The following RNF180 variants were observed in gnomAD, a reference collection of about 807,000 sequenced individuals.
RNF180 encodes ring finger protein 180, also known as E3 ubiquitin-protein ligase RNF180.
In RNF180, 38 loss-of-function variants were observed where a neutral mutation model predicts 59.2. That is an observed-to-expected ratio of 0.64 (90% confidence interval 0.50 to 0.84). The LOEUF is 0.84. RNF180 is among the 40% of genes least tolerant of loss of function. The pLI, the probability that RNF180 is intolerant of heterozygous loss-of-function variation, is 0.00. For missense variants in RNF180, 705 were observed against 700.9 expected (o/e 1.01, Z -0.07); for synonymous variants, 262 against 240.3 (o/e 1.09, Z -0.84).
chr5:64,223,719 CAT>C (rs1741489984), intron 5 of RNF180, among the ~76,000 whole-genome samples: 1 of 151,974 alleles, frequency 6.6e-6, no homozygotes, highest in South Asian at 2.1e-4. Flanking sequence ...ATTTTACTAT[CAT>C]ATATCTTTAT....
At chr5:64,365,906 G>T (rs1746430576) in intron 7 of RNF180, among the ~76,000 whole-genome samples, 1 of 151,488 alleles carries the variant, frequency 6.6e-6, no homozygotes, top group Non-Finnish European at 1.5e-5. Context: ...GCATACCATT[G>T]GATCTTGGTT....
intron 1 of RNF180, among the ~76,000 whole-genome samples, chr5:64,193,613 T>C (rs1751296006): frequency 6.6e-6 from 1 of 152,210 alleles, no homozygotes. Context: ...TCTTTAGCAT[T>C]TAACCAGTTC....
intron 1 of RNF180, among the ~76,000 whole-genome samples, chr5:64,196,644 T>C (rs1467993692): frequency 2.0e-5 from 3 of 152,166 alleles, no homozygotes; most frequent in Non-Finnish European, 4.4e-5. Flanking sequence ...TTCTGTTGGC[T>C]AATATTTTAT....
chr5:64,255,372 C>A (rs932959883), intron 5 of RNF180, among the ~76,000 whole-genome samples: 5 of 152,114 alleles, frequency 3.3e-5, no homozygotes, highest in Non-Finnish European at 7.3e-5. Flanking sequence ...ACAACAGGCC[C>A]TGGTGTGTGA....
intron 5 of RNF180, among the ~76,000 whole-genome samples, chr5:64,318,130 CTA>C (rs1420917923): frequency 2.6e-5 from 4 of 152,052 alleles, no homozygotes; most frequent in South Asian, 2.1e-4. Flanking sequence ...TGTATGTGTA[CTA>C]TATGTTTTTT....
At chr5:64,295,091 T>C (rs1470011127) in intron 5 of RNF180, among the ~76,000 whole-genome samples, 2 of 152,196 alleles carry the variant, frequency 1.3e-5, no homozygotes, top group African/African-American at 4.8e-5. Flanking sequence ...TCCATGATGT[T>C]GAGTATATAA....
intron 5 of RNF180, among the ~76,000 whole-genome samples, chr5:64,231,792 T>A (rs1406406922): frequency 1.3e-5 from 2 of 152,188 alleles, no homozygotes; most frequent in Non-Finnish European, 2.9e-5. Flanking sequence ...AATGCGTTTA[T>A]TATTGGGGTT....
intron 5 of RNF180, among the ~76,000 whole-genome samples, chr5:64,247,325 C>G (rs971308284): frequency 6.6e-6 from 1 of 152,166 alleles, no homozygotes; most frequent in Non-Finnish European, 1.5e-5. Context: ...GTCAAATTGT[C>G]TCTGTTTGCA....
At chr5:64,342,968 T>A (rs1190807846) in intron 7 of RNF180, among the ~76,000 whole-genome samples, 2 of 152,146 alleles carry the variant, frequency 1.3e-5, no homozygotes, top group Non-Finnish European at 2.9e-5. Flanking sequence ...CCAACCCTGC[T>A]TATTAATTGT....
At chr5:64,217,471 C>T in intron 5 of RNF180, 75 bp downstream of exon 5, 1 of 1,319,102 alleles carries the variant, frequency 7.6e-7, no homozygotes, top group Non-Finnish European at 9.7e-7. Context: ...GCATTCCAAG[C>T]AGCAAAGACT....
At chr5:64,341,554 C>A in intron 7 of RNF180, among the ~76,000 whole-genome samples, 1 of 152,246 alleles carries the variant, frequency 6.6e-6, no homozygotes, top group South Asian at 2.1e-4. Flanking sequence ...GTGAATCATT[C>A]TGGGAAACTG....
chr5:64,194,121 A>C (rs577755195), intron 1 of RNF180, among the ~76,000 whole-genome samples: 1 of 152,276 alleles, frequency 6.6e-6, no homozygotes, highest in Non-Finnish European at 1.5e-5. Context: ...GTCATTTAAC[A>C]TTAGGTATAT....
intron 7 of RNF180, among the ~76,000 whole-genome samples, chr5:64,353,902 G>A (rs1487376913): frequency 1.3e-5 from 2 of 151,506 alleles, no homozygotes; most frequent in African/African-American, 2.4e-5. Context: ...AAGCACGAGG[G>A]AAATTAGAAA....
chr5:64,191,122 A>T (rs934811513), intron 1 of RNF180, among the ~76,000 whole-genome samples: 4 of 152,188 alleles, frequency 2.6e-5, no homozygotes, highest in Non-Finnish European at 1.5e-5. Context: ...ATAGTTTTTT[A>T]AATTTGTAGA....
At chr5:64,214,566 G>A (rs746439512) in intron 4 of RNF180, 49 bp downstream of exon 4, 9 of 1,498,732 alleles carry the variant, frequency 6.0e-6, no homozygotes, top group Non-Finnish European at 8.1e-6. Context: ...ATAAATACTG[G>A]AGTTTGGGGA....
intron 7 of RNF180, among the ~76,000 whole-genome samples, chr5:64,366,134 T>C (rs1344388550): frequency 6.6e-6 from 1 of 151,628 alleles, no homozygotes; most frequent in African/African-American, 2.4e-5. Context: ...TTAATGCATC[T>C]TTCAGGAGAT....
chr5:64,181,666 G>C (rs1750590881), intron 1 of RNF180, among the ~76,000 whole-genome samples: 1 of 152,148 alleles, frequency 6.6e-6, no homozygotes, highest in Non-Finnish European at 1.5e-5. Flanking sequence ...CCCTCAGCTT[G>C]TCTGTTTGAC....
chr5:64,269,990 T>C lies in RNF180; in HGVS notation c.1227+52594T>C, dbSNP rs568883168. On this transcript the variant is annotated intron_variant, in intron 5 of 7. Transcript: ENST00000389100. ...TCCATAATGCCATTCTGATATAAGT[T>C]ACCTATTCTGTCTCTTCCTCCTTCC... is the stretch of plus-strand genomic sequence containing the variant. Among the ~76,000 whole-genome samples the C allele has an allele frequency of 8.6e-5, 13 of 151,710 alleles. No homozygotes were observed. In the South Asian group the frequency reaches 2.7e-3, roughly 32 times the overall value.
At chr5:64,286,172 A>G (rs1742273645) in intron 5 of RNF180, among the ~76,000 whole-genome samples, 1 of 152,186 alleles carries the variant, frequency 6.6e-6, no homozygotes. Flanking sequence ...ATGACTTGCA[A>G]CCTCAGAAAT....
Sources: gnomAD v4.1 joint callset for allele counts (sites outside exome capture counted in the v4.1 genomes callset) on GRCh38, gnomAD v4.1.1 for gene constraint, MANE v1.5 for transcripts, NCBI Gene and HGNC (gene_info 2026-07-23, HGNC 2026-07-21) for gene names.